RERE: variants seen among roughly 807,000 people sequenced by gnomAD.
RERE encodes the protein arginine-glutamic acid dipeptide repeats protein.
In RERE, 40 loss-of-function variants were observed where a neutral mutation model predicts 146.1. The observed-to-expected ratio is 0.27, with a 90% CI of 0.21 to 0.36. RERE has a LOEUF of 0.36. Ranked by LOEUF, RERE falls within the 10% of genes least tolerant of loss-of-function variation. The probability of loss-of-function intolerance (pLI) is 1.00; values close to 1 mark genes in which losing one functional copy is unlikely to be tolerated. For missense variants in RERE, 1,933 were observed against 2,138.7 expected (o/e 0.90, Z 1.90); for synonymous variants, 1,003 against 866.0 (o/e 1.16, Z -2.78).
intron 2 of RERE, among the ~76,000 whole-genome samples, chr1:8,653,639 G>A (rs1206197652): frequency 3.4e-5 from 5 of 146,026 alleles, no homozygotes; most frequent in Non-Finnish European, 7.4e-5. Flanking sequence ...AGCTTGCAGT[G>A]AGCCAAGATC....
At chr1:8,626,137 C>G (rs1646970836) in intron 2 of RERE, among the ~76,000 whole-genome samples, 1 of 152,182 alleles carries the variant, frequency 6.6e-6, no homozygotes, top group African/African-American at 2.4e-5. Flanking sequence ...TTCTTCCCAC[C>G]ACAGTAGATC....
At chr1:8,526,274 G>A (rs11121197) in intron 7 of RERE, among the ~76,000 whole-genome samples, 127,689 of 151,318 alleles carry the variant, frequency 0.84, 54,171 homozygotes, top group East Asian at 0.94. Flanking sequence ...TGCTCTGTCA[G>A]CACAACAGCA....
chr1:8,500,053 G>T (rs188574044), intron 8 of RERE, among the ~76,000 whole-genome samples: 1 of 152,206 alleles, frequency 6.6e-6, no homozygotes, highest in Non-Finnish European at 1.5e-5. Context: ...CCTGGGAGGC[G>T]GAGGTTCCCG....
intron 1 of RERE, among the ~76,000 whole-genome samples, chr1:8,667,719 C>T (rs964073659): frequency 6.6e-6 from 1 of 152,198 alleles, no homozygotes; most frequent in African/African-American, 2.4e-5. Context: ...CAAACTCATT[C>T]ATACAAATAA....
At chr1:8,607,278 T>C (rs1190722433) in intron 4 of RERE, among the ~76,000 whole-genome samples, 2 of 151,344 alleles carry the variant, frequency 1.3e-5, no homozygotes, top group African/African-American at 4.9e-5. Context: ...GAGGATCATC[T>C]GCGACTGGGA....
At chr1:8,601,772 CACACAA>C (rs1284932571) in intron 4 of RERE, among the ~76,000 whole-genome samples, 11 of 138,884 alleles carry the variant, frequency 7.9e-5, no homozygotes, top group South Asian at 4.5e-4. Flanking sequence ...CACACACACA[CACACAA>C]ACACACACAC....
intron 1 of RERE, among the ~76,000 whole-genome samples, chr1:8,738,278 T>C (rs534993840): frequency 6.6e-6 from 1 of 152,190 alleles, no homozygotes; most frequent in South Asian, 2.1e-4. Flanking sequence ...TCTTTTGTTG[T>C]TGTTCTTTTT....
At chr1:8,623,548 A>G (rs953250721) in intron 3 of RERE, among the ~76,000 whole-genome samples, 17 of 152,196 alleles carry the variant, frequency 1.1e-4, no homozygotes, top group Non-Finnish European at 2.4e-4. Context: ...AACAGGCTGA[A>G]AAATCGTTGT....
intron 7 of RERE, among the ~76,000 whole-genome samples, chr1:8,524,664 C>A (rs989623401): frequency 1.3e-5 from 2 of 152,172 alleles, no homozygotes; most frequent in Non-Finnish European, 2.9e-5. Context: ...CAAAAAGGAG[C>A]AAACAGTATA....
chr1:8,360,144 C>T lies in RERE; in HGVS notation c.3363G>A (p.Val1121=). ...ACTGGCTGGCGTGACTGGGGGTGTC[C>T]ACCACAGTGGGCTCCGGGGACGGGC... ...PRSPSPEPTV[V]DTPSHASQSA... Residue 1121 remains valine (V), a synonymous_variant, in exon 18 of 23, where the codon GTG becomes GTA. Transcript: ENST00000400908. 2 of 1,593,022 alleles carry T rather than the reference C, an allele frequency of 1.3e-6. No individual in the cohort carries two copies. Among genetic ancestry groups the T allele is most frequent in the Non-Finnish European group, 1.7e-6 (2 of 1,169,308 alleles).
chr1:8,587,486 A>G (rs1646440095), intron 4 of RERE, among the ~76,000 whole-genome samples: 1 of 152,192 alleles, frequency 6.6e-6, no homozygotes, highest in Admixed American at 6.5e-5. Flanking sequence ...CTGCTTGTTA[A>G]CTTCACATCC....
chr1:8,639,602 G>C (rs764243473), intron 2 of RERE, among the ~76,000 whole-genome samples: 10 of 152,306 alleles, frequency 6.6e-5, no homozygotes, highest in Middle Eastern at 3.4e-3. Context: ...CCAAGTCTGA[G>C]TGCTAACAGA....
At chr1:8,764,935 G>C (rs750880031) in intron 1 of RERE, among the ~76,000 whole-genome samples, 120 of 152,186 alleles carry the variant, frequency 7.9e-4, no homozygotes, top group Non-Finnish European at 1.6e-4. Context: ...AAAACAGTTT[G>C]TCAGTTTCTC....
At chr1:8,515,898 A>C (rs951070645) in intron 7 of RERE, among the ~76,000 whole-genome samples, 1 of 152,070 alleles carries the variant, frequency 6.6e-6, no homozygotes, top group Non-Finnish European at 1.5e-5. Context: ...TCCTCATCTT[A>C]AGAGTTTTCA....
At position 8,758,857 on chromosome 1, in the gene RERE, A is replaced by C. The variant is rs534051187; in HGVS notation, c.-145+58303T>G. ...GAAGAATTTAAGTGTCCTCACCACAAAAAAAAAAAATGTGAAGTAATACAT... is the reference window on the plus strand; with the variant it reads ...GAAGAATTTAAGTGTCCTCACCACACAAAAAAAAAATGTGAAGTAATACAT... On this transcript the variant is annotated intron_variant, in intron 1 of 22. Transcript: ENST00000400908. 1.5e-4 allele frequency among the ~76,000 whole-genome samples: 22 copies of C among 146,580 alleles called. No homozygotes were observed. The East Asian group carries it at 4.3e-3, about 29-fold the overall frequency.
chr1:8,625,512 C>T (rs1400910746), intron 2 of RERE, among the ~76,000 whole-genome samples: 1 of 152,092 alleles, frequency 6.6e-6, no homozygotes, highest in Non-Finnish European at 1.5e-5. Flanking sequence ...CACTATGTTG[C>T]CCAGGCTAGT....
intron 1 of RERE, among the ~76,000 whole-genome samples, chr1:8,663,144 G>A (rs1000872993): frequency 6.6e-6 from 1 of 151,996 alleles, no homozygotes; most frequent in African/African-American, 2.4e-5. Context: ...AACAAATCAT[G>A]GAGAATTAAC....
At chr1:8,631,105 G>T (rs376661361) in intron 2 of RERE, among the ~76,000 whole-genome samples, 1 of 152,170 alleles carries the variant, frequency 6.6e-6, no homozygotes, top group Non-Finnish European at 1.5e-5. Context: ...AAGTTGAGGG[G>T]AACAGGTCAT....
intron 6 of RERE, among the ~76,000 whole-genome samples, chr1:8,553,633 T>G (rs1645967193): frequency 6.6e-6 from 1 of 152,222 alleles, no homozygotes; most frequent in African/African-American, 2.4e-5. Flanking sequence ...CAGCTACCAC[T>G]TTTTATGACC....
Sources: allele counts gnomAD v4.1 joint callset (sites outside exome capture counted in the v4.1 genomes callset), GRCh38; gene constraint gnomAD v4.1.1; transcripts MANE v1.5; gene names NCBI Gene and HGNC (gene_info 2026-07-23, HGNC 2026-07-21).